Variants in ANO3 observed in about 807,000 individuals in gnomAD.
The protein encoded by ANO3 is anoctamin 3.
In ANO3, 99 loss-of-function variants were observed where a neutral mutation model predicts 144.8. The ratio of observed to expected loss-of-function variants is 0.68; its 90% CI spans 0.58 to 0.81. The LOEUF is 0.81. ANO3 is among the 30% of genes least tolerant of loss of function. The pLI is 0.00. For synonymous variants in ANO3, 414 were observed against 392.6 expected (o/e 1.05, Z -0.64); for missense variants, 905 against 1,202.2 (o/e 0.75, Z 3.66).
intron 1 of ANO3, among the ~76,000 whole-genome samples, chr11:26,242,120 T>A (rs1335404478): frequency 1.3e-5 from 2 of 152,200 alleles, no homozygotes; most frequent in East Asian, 1.9e-4. Context: ...CTGATGATAG[T>A]TGAAATTGTT....
intron 1 of ANO3, among the ~76,000 whole-genome samples, chr11:26,366,345 T>G (rs564666487): frequency 2.6e-5 from 4 of 152,322 alleles, no homozygotes; most frequent in Admixed American, 6.5e-5. Context: ...TATGGCTGCA[T>G]AGTATTCCAT....
intron 14 of ANO3, among the ~76,000 whole-genome samples, chr11:26,583,541 A>T (rs532947761): frequency 2.0e-5 from 3 of 152,348 alleles, no homozygotes; most frequent in African/African-American, 7.2e-5. Context: ...GGCTCTTCGT[A>T]TCAATTAGTC....
intron 1 of ANO3, among the ~76,000 whole-genome samples, chr11:26,251,577 G>A (rs892559980): frequency 2.6e-5 from 4 of 152,144 alleles, no homozygotes; most frequent in African/African-American, 7.2e-5. Flanking sequence ...GGCAGCAAAG[G>A]ATCATATTTT....
rs1391091973 is a variant in ANO3, at chr11:26,299,313, T to C, written c.155-10332T>C. On this transcript the variant is annotated intron_variant, in intron 1 of 27. Transcript: ENST00000672621. ...CATGCCCCTAATATATCAAAGAAGC[T>C]GAAGGTTAAGAATTCACTTTGGTGA... 2.0e-5 allele frequency among the ~76,000 whole-genome samples: 3 copies of C among 152,272 alleles called. No individual in the cohort carries two copies. In the East Asian group the frequency reaches 5.8e-4, roughly 29 times the overall value.
intron 4 of ANO3, among the ~76,000 whole-genome samples, chr11:26,503,771 G>T (rs1413943061): frequency 1.3e-5 from 2 of 151,900 alleles, no homozygotes; most frequent in Non-Finnish European, 2.9e-5. Flanking sequence ...TGTCTTTCTG[G>T]GAGAGTTTAG....
At chr11:26,410,519 G>T (rs1038706734) in intron 1 of ANO3, among the ~76,000 whole-genome samples, 2 of 151,842 alleles carry the variant, frequency 1.3e-5, no homozygotes, top group Non-Finnish European at 2.9e-5. Context: ...ATTACCTTCA[G>T]AGGAATTGAA....
At chr11:26,389,548 A>G (rs1856822638) in intron 1 of ANO3, among the ~76,000 whole-genome samples, 1 of 152,058 alleles carries the variant, frequency 6.6e-6, no homozygotes, top group Non-Finnish European at 1.5e-5. Context: ...TCAAATAATA[A>G]AGATCTCTTT....
chr11:26,518,810 T>C (rs1861956919), intron 6 of ANO3, among the ~76,000 whole-genome samples: 1 of 151,942 alleles, frequency 6.6e-6, no homozygotes, highest in Non-Finnish European at 1.5e-5. Context: ...TACAAGGTGA[T>C]TTCATCATGT....
At chr11:26,503,887 A>T (rs1310077271) in intron 4 of ANO3, among the ~76,000 whole-genome samples, 1 of 150,506 alleles carries the variant, frequency 6.6e-6, no homozygotes, top group Admixed American at 6.6e-5. Flanking sequence ...ACTTTTAAAA[A>T]CCTTTTTATC....
At chr11:26,217,050 A>C (rs929222751) in intron 1 of ANO3, among the ~76,000 whole-genome samples, 1 of 152,082 alleles carries the variant, frequency 6.6e-6, no homozygotes, top group African/African-American at 2.4e-5. Flanking sequence ...TTTTTCAACA[A>C]AGAATTTTTA....
At chr11:26,330,784 T>A (rs1855018360), upstream of ANO3, among the ~76,000 whole-genome samples, 5 of 152,200 alleles carry the variant, frequency 3.3e-5, no homozygotes, top group Admixed American at 3.3e-4. Flanking sequence ...TTCTTTTGTA[T>A]CATGCACCAC....
At position 26,284,923 on chromosome 11, in the gene ANO3, G is replaced by T. The variant is rs188686386; in HGVS notation, c.155-24722G>T. On this transcript the variant is annotated intron_variant, in intron 1 of 27. Transcript: ENST00000672621. ...CCGTCTCAAAAGAAAAGAAAAAGAT[G>T]CATATTTTGAATACTCATCTTTCTT... Among the ~76,000 whole-genome samples, 150 of 152,120 alleles carry T rather than the reference G, an allele frequency of 9.9e-4. 1 individual carries two copies. Among genetic ancestry groups the T allele is most frequent in the African/African-American group, 3.4e-3 (143 of 41,528 alleles).
At chr11:26,365,954 TTATATATATATATATA>T (rs1158168765) in intron 1 of ANO3, among the ~76,000 whole-genome samples, 19 of 54,404 alleles carry the variant, frequency 3.5e-4, no homozygotes, top group African/African-American at 9.4e-4. Context: ...CATTTTTTCT[TTATATATATATATATA>T]TATATATATA....
chr11:26,508,048 TA>T, intron 4 of ANO3, 55 bp from the exon 5 acceptor site: 1 of 1,505,202 alleles, frequency 6.6e-7, no homozygotes. Context: ...TAACTGTAAC[TA>T]AAACATACAT....
At chr11:26,526,898 A>T (rs1457343243) in intron 7 of ANO3, among the ~76,000 whole-genome samples, 1 of 152,124 alleles carries the variant, frequency 6.6e-6, no homozygotes, top group Non-Finnish European at 1.5e-5. Context: ...TGCTAATAAA[A>T]TTAGTCATTG....
At chr11:26,454,339 TA>T (rs1859065093) in intron 3 of ANO3, among the ~76,000 whole-genome samples, 1 of 151,404 alleles carries the variant, frequency 6.6e-6, no homozygotes, top group East Asian at 1.9e-4. Flanking sequence ...GCAAGACTAA[TA>T]AAGAAGAAAA....
At chr11:26,544,273 T>TATATATATATATACAC in intron 11 of ANO3, among the ~76,000 whole-genome samples, 15 of 58,556 alleles carry the variant, frequency 2.6e-4, no homozygotes, top group Non-Finnish European at 2.5e-4. Context: ...TATATATATA[T>TATATATATATATACAC]ACACACATAC....
upstream of ANO3, among the ~76,000 whole-genome samples, chr11:26,329,337 G>T (rs1051040623): frequency 6.7e-6 from 1 of 149,438 alleles, no homozygotes; most frequent in Admixed American, 6.6e-5. Context: ...CAGAGAGAGA[G>T]AGAGAGAGAG....
chr11:26,429,629 A>C (rs1858021806), intron 1 of ANO3, among the ~76,000 whole-genome samples: 1 of 152,120 alleles, frequency 6.6e-6, no homozygotes, highest in Non-Finnish European at 1.5e-5. Context: ...ATTCAAAGTA[A>C]AACCCACTCT....
Sources: allele counts gnomAD v4.1 joint callset (sites outside exome capture counted in the v4.1 genomes callset), GRCh38; gene constraint gnomAD v4.1.1; transcripts MANE v1.5; gene names NCBI Gene and HGNC (gene_info 2026-07-23, HGNC 2026-07-21).